The following TRIM50 variants were observed in gnomAD, a reference collection of about 807,000 sequenced individuals.
The protein encoded by TRIM50 is E3 ubiquitin-protein ligase TRIM50.
Under a neutral mutation model 44.9 loss-of-function variants are expected in TRIM50, and 34 were observed. That is an observed-to-expected ratio of 0.76 (90% CI 0.58 to 1.01). TRIM50 has a LOEUF of 1.01. TRIM50 is among the 50% of genes least tolerant of loss of function. The probability of loss-of-function intolerance (pLI) is 0.00; values close to 1 mark genes in which losing one functional copy is unlikely to be tolerated. For missense variants in TRIM50, 633 were observed against 663.7 expected, an observed-to-expected ratio of 0.95 and a Z score of 0.51; for synonymous variants, 307 against 291.1, an observed-to-expected ratio of 1.05 and a Z score of -0.56.
chr7:73,322,285 C>G (rs1353430350), intron 2 of TRIM50, among the ~76,000 whole-genome samples: 1 of 152,122 alleles, frequency 6.6e-6, no homozygotes, highest in Non-Finnish European at 1.5e-5. Flanking sequence ...GGAGGCGGAG[C>G]TTGCAGTGAG....
chr7:73,317,788 G>A (rs1804396052), intron 5 of TRIM50, among the ~76,000 whole-genome samples: 1 of 152,164 alleles, frequency 6.6e-6, no homozygotes, highest in Admixed American at 6.6e-5. Context: ...TCGTTTGTTG[G>A]GTCTAGAACA....
Position 73,318,871 on chromosome 7 carries a change from T to C in TRIM50, c.677A>G (p.Glu226Gly). ...QGTRERLAQA[E>G]CVLEQFGNED... ...ATTGCCGAACTGTTCCAGCACACAC[T>C]CGGCTTGGGCCAGCCGCTCCCGGGT... Residue 226 changes from glutamate to glycine, a missense_variant, in exon 4 of 7, where the codon GAG becomes GGG. Physicochemically the swap from Glu to Gly is moderately conservative, Grantham distance 98. Coordinates refer to ENST00000333149, the MANE Select transcript of TRIM50 (RefSeq NM_178125.3). 1 of 1,613,858 alleles carries C rather than the reference T, an allele frequency of 6.2e-7. No homozygotes were observed. Among genetic ancestry groups the C allele is most frequent in the Non-Finnish European group, 8.5e-7 (1 of 1,179,860 alleles).
At chr7:73,316,310 G>A (rs1227325100) in intron 6 of TRIM50, among the ~76,000 whole-genome samples, 1 of 152,206 alleles carries the variant, frequency 6.6e-6, no homozygotes, top group Non-Finnish European at 1.5e-5. Context: ...CTGGCCGGGT[G>A]GGTGCAAATA....
Position 73,324,681 on chromosome 7 carries a change from C to A in TRIM50, c.107G>T (p.Cys36Phe), listed in dbSNP as rs1554545677. Residue 36 changes from cysteine (C) to phenylalanine (F), a missense_variant, in exon 2 of 7, where the codon TGC becomes TTC. Transcript: ENST00000333149. ...GGACAGGGAAACCAGGCAGCCCTTG[C>A]AGTAAGAGTGGCCACACTGCAGCAT... ...PLMLQCGHSY[C>F]KGCLVSLSCH... is the part of the protein sequence containing the mutation. 2.8e-5 allele frequency: 45 copies of A among 1,614,226 alleles called. No homozygotes were observed. Among genetic ancestry groups the A allele is most frequent in the Middle Eastern group, 1.6e-4 (1 of 6,062 alleles).
Position 73,324,751 on chromosome 7 carries a change from G to T in TRIM50, c.37C>A (p.Arg13=), listed in dbSNP as rs28626137. The stretch of plus-strand genomic sequence containing the variant: ...TCCAGGCAGATGGGACACTGAAGCC[G>T]GTCCTCCAGCTCTGGCAGGCTCACC... ...WQVSLPELED[R]LQCPICLEVF... The change falls in exon 2 of 7, where the codon CGG becomes AGG. Residue 13 remains arginine (R), a synonymous_variant. Coordinates refer to ENST00000333149, the MANE Select transcript of TRIM50 (RefSeq NM_178125.3). The T allele has an allele frequency of 1.2e-5, 20 of 1,613,984 alleles. No homozygotes were observed. Among genetic ancestry groups the T allele is most frequent in the Non-Finnish European group, 1.6e-5 (19 of 1,180,040 alleles).
intron 2 of TRIM50, 26 bp from the exon 3 acceptor site, chr7:73,320,268 T>G (rs1804465582): frequency 6.2e-7 from 1 of 1,613,870 alleles, no homozygotes; most frequent in Non-Finnish European, 8.5e-7. Context: ...CATGGCCCCA[T>G]GAGCAGCTGA....
chr7:73,324,256 T>A (rs1804560402), intron 2 of TRIM50, 133 bp downstream of exon 2: 2 of 1,498,434 alleles, frequency 1.3e-6, no homozygotes, highest in South Asian at 1.3e-5. Flanking sequence ...CGCTAAGGAA[T>A]GAATGCGCCA....
rs535720220 is a variant in TRIM50 at position 73,325,956 on chromosome 7, T to C, written c.-18-1151A>G. ...AGGCTGGAGTGCAGTGGCGTGGTCA[T>C]AGCTCACTGTAGCCTCCAACTCCTA... On this transcript the variant is annotated intron_variant, in intron 1 of 6. Coordinates refer to ENST00000333149, the MANE Select transcript of TRIM50 (RefSeq NM_178125.3). Among the ~76,000 whole-genome samples the C allele has an allele frequency of 3.0e-4, 46 of 152,276 alleles. 1 individual carries two copies. The highest frequency in any genetic ancestry group is 2.1e-3 in the South Asian group (10 of 4,826).
At chr7:73,320,706 A>G (rs1228544558) in intron 2 of TRIM50, among the ~76,000 whole-genome samples, 3 of 151,302 alleles carry the variant, frequency 2.0e-5, no homozygotes, top group Non-Finnish European at 4.4e-5. Context: ...TCAAAAAAAT[A>G]AAAATAAAAA....
intron 5 of TRIM50, among the ~76,000 whole-genome samples, chr7:73,318,094 G>A (rs543047915): frequency 1.3e-5 from 2 of 152,068 alleles, no homozygotes. Context: ...GTGCCCCTCT[G>A]CCAGGTCCCC....
chr7:73,318,886 C>T lies in TRIM50; in HGVS notation c.662G>A (p.Arg221Gln), dbSNP rs140746141. The change falls in exon 4 of 7, where the codon CGG (arginine) becomes CAG (glutamine). Residue 221 changes from arginine to glutamine, a missense_variant. Transcript: ENST00000333149. ...CAGCACACACTCGGCTTGGGCCAGCCGCTCCCGGGTTCCCTGGGCCTGCTC... is the reference window on the plus strand; with the variant it reads ...CAGCACACACTCGGCTTGGGCCAGCTGCTCCCGGGTTCCCTGGGCCTGCTC... Reference protein sequence around the residue: ...QLEQAQGTRERLAQAECVLEQ... With the variant: ...QLEQAQGTREQLAQAECVLEQ... 9.0e-3 allele frequency: 14,452 copies of T among 1,613,960 alleles called. 104 individuals are homozygous for T. Among genetic ancestry groups the T allele is most frequent in the Non-Finnish European group, 9.9e-3 (11,705 of 1,179,852 alleles).
At chr7:73,316,736 C>A in intron 5 of TRIM50, 47 bp from the exon 6 acceptor site, 1 of 1,597,080 alleles carries the variant, frequency 6.3e-7, no homozygotes, top group South Asian at 1.1e-5. Context: ...ATCACGTGGC[C>A]CACCCCACCC....
intron 2 of TRIM50, among the ~76,000 whole-genome samples, chr7:73,322,642 G>A (rs1804523566): frequency 6.6e-6 from 1 of 152,118 alleles, no homozygotes; most frequent in South Asian, 2.1e-4. Flanking sequence ...CTGATTTCCG[G>A]GAGGCCACAC....
chr7:73,327,793 C>G (rs1554546453), intron 1 of TRIM50, 107 bp downstream of exon 1: 2 of 243,426 alleles, frequency 8.2e-6, no homozygotes, highest in African/African-American at 4.6e-5. Context: ...TGTGTCTCAT[C>G]ATGCCCCACG....
intron 1 of TRIM50, among the ~76,000 whole-genome samples, chr7:73,327,667 C>T (rs1804670338): frequency 6.6e-6 from 1 of 152,220 alleles, no homozygotes. Context: ...ATCCTTTTTC[C>T]TGAACCTGCC....
At chr7:73,324,340 T>C (rs1804562787) in intron 2 of TRIM50, 49 bp downstream of exon 2, 7 of 1,613,320 alleles carry the variant, frequency 4.3e-6, no homozygotes, top group Non-Finnish European at 5.9e-6. Flanking sequence ...GAGCACAGGA[T>C]CTGGTCCCCG....
At chr7:73,324,251 A>C (rs1804560205) in intron 2 of TRIM50, 138 bp downstream of exon 2, 1 of 1,484,512 alleles carries the variant, frequency 6.7e-7, no homozygotes. Flanking sequence ...TCAAACGCTA[A>C]GGAATGAATG....
At chr7:73,316,925 G>A (rs1163474368) in intron 5 of TRIM50, 1 of 452,308 alleles carries the variant, frequency 2.2e-6, no homozygotes, top group African/African-American at 2.0e-5. Flanking sequence ...GACCAGCAGT[G>A]TTGGTTGGAA....
rs782679168 is a variant in TRIM50 at position 73,320,149 on chromosome 7, C to T, written c.493G>A (p.Val165Ile). 5.6e-6 allele frequency: 9 copies of T among 1,612,142 alleles called. No homozygotes were observed. The highest frequency in any genetic ancestry group is 1.1e-5 in the South Asian group (1 of 89,414). The part of the protein sequence containing the change: ...AKLVNNRTRI[V>I]NESDVFSWVI... The stretch of plus-strand genomic sequence containing the variant: ...GGGCAGAGGGAAGGGGCACTCACGA[C>T]GATTCGGGTCCGGTTGTTCACCAGT... Residue 165 changes from valine (V) to isoleucine (I), a missense_variant and splice_region_variant, in exon 3 of 7, where the codon GTC (valine) becomes ATC (isoleucine). Coordinates refer to ENST00000333149, the MANE Select transcript of TRIM50 (RefSeq NM_178125.3).
Sources: gnomAD v4.1 joint callset for allele counts (sites outside exome capture counted in the v4.1 genomes callset) on GRCh38, gnomAD v4.1.1 for gene constraint, MANE v1.5 for transcripts, NCBI Gene and HGNC (gene_info 2026-07-23, HGNC 2026-07-21) for gene names.